GABRB3: variants seen among roughly 807,000 people sequenced by gnomAD.
The protein encoded by GABRB3 is gamma-aminobutyric acid type A receptor subunit beta3.
Under a neutral mutation model 52.1 loss-of-function variants are expected in GABRB3, and 14 were observed. The observed-to-expected ratio is 0.27, with a 90% CI of 0.18 to 0.42. GABRB3 has a LOEUF of 0.42. Ranked by LOEUF, GABRB3 falls within the 10% of genes least tolerant of loss-of-function variation. GABRB3 has a pLI of 1.00. For synonymous variants in GABRB3, 260 were observed against 232.3 expected (o/e 1.12, Z -1.08); for missense variants, 307 against 609.1 (o/e 0.50, Z 5.22).
chr15:26,603,470 CAAA>C lies in GABRB3; in HGVS notation c.461+17841_461+17843del, dbSNP rs1891660001. Among the ~76,000 whole-genome samples the C allele has an allele frequency of 2.6e-5, 4 of 151,832 alleles. No homozygotes were observed. The South Asian group carries it at 8.3e-4, about 32-fold the overall frequency. On this transcript the variant is annotated intron_variant, in intron 4 of 8. Coordinates refer to ENST00000311550, the MANE Select transcript of GABRB3 (RefSeq NM_000814.6). Reference sequence around the variant, plus strand: ...ATACAAAAACAAAAAATAAAACAAACAAAAAATAACTAAAGGCCAATATTTCTA... The same window carrying C: ...ATACAAAAACAAAAAATAAAACAAACAAATAACTAAAGGCCAATATTTCTA...
Position 26,546,305 on chromosome 15 carries a change from CTTTT to C in GABRB3, c.*1484_*1487del, listed in dbSNP as rs367963151. The stretch of plus-strand genomic sequence containing the variant: ...ATTGTTTACAAAAAATATATCATCT[CTTTT>C]TTTTTTCTTTAGAAAGATCTCATCT... On this transcript the variant is annotated 3_prime_UTR_variant, in exon 9 of 9. Coordinates refer to ENST00000311550, the MANE Select transcript of GABRB3 (RefSeq NM_000814.6). The C allele has an allele frequency of 6.9e-4, 104 of 150,228 alleles. No homozygotes were observed. The highest frequency in any genetic ancestry group is 2.5e-3 in the African/African-American group (103 of 40,822). The allele number at this position is 150,228 out of a possible 1,614,324, so 9.3% of individuals were successfully genotyped here.
chr15:26,608,101 G>GC (rs1163593711), intron 4 of GABRB3, among the ~76,000 whole-genome samples: 2 of 121,092 alleles, frequency 1.7e-5, no homozygotes, highest in Admixed American at 1.6e-4. Flanking sequence ...CATGGTACTG[G>GC]CAAAAAAAAA....
chr15:26,655,428 T>C (rs1887336982), intron 3 of GABRB3, among the ~76,000 whole-genome samples: 1 of 152,168 alleles, frequency 6.6e-6, no homozygotes. Context: ...GCACATTTTA[T>C]GGCTATGATC....
Position 26,580,291 on chromosome 15 carries a change from AG to A in GABRB3, c.682+27del, listed in dbSNP as rs775135929. On this transcript the variant is annotated intron_variant, in intron 6 of 8. Coordinates refer to ENST00000311550, the MANE Select transcript of GABRB3 (RefSeq NM_000814.6). ...ACGCCCATGGAGCCAGTGCCCCTGA[AG>A]GGACTATAAGTGGATGCAGGACTCA... 8.7e-6 allele frequency: 14 copies of A among 1,613,930 alleles called. No homozygotes were observed. The East Asian group carries it at 3.1e-4, about 36-fold the overall frequency.
At chr15:26,720,153 G>T (rs10162980) in intron 3 of GABRB3, among the ~76,000 whole-genome samples, 35,493 of 144,050 alleles carry the variant, frequency 0.25, 4,392 homozygotes, top group South Asian at 0.27. Context: ...ACTCCTGCCC[G>T]CCAGAGAACA....
Position 26,662,600 on chromosome 15 carries a change from A to G in GABRB3, c.241-41066T>C, listed in dbSNP as rs184100349. Among the ~76,000 whole-genome samples the G allele has an allele frequency of 1.1e-3, 173 of 152,090 alleles. 1 individual carries two copies. The highest frequency in any genetic ancestry group is 2.2e-3 in the Non-Finnish European group (153 of 68,024). On this transcript the variant is annotated intron_variant, in intron 3 of 8. Transcript: ENST00000311550. ...TGCCTCTGCACAGATGAACAGGGAG[A>G]GCTTTGGCCTTAGAAAAAAGGTGCC...
In GABRB3 at chr15:26,547,393, A is replaced by G. The variant is rs1447617676; in HGVS notation, c.*400T>C. 1 of 425,102 alleles carries G rather than the reference A, an allele frequency of 2.4e-6. No individual in the cohort carries two copies. 26.3% of individuals were successfully genotyped at this position (425,102 alleles called of 1,614,324 possible). A position where few individuals can be genotyped will look rare whatever the true frequency, so the allele number is the denominator to read the frequency against. On this transcript the variant is annotated 3_prime_UTR_variant, in exon 9 of 9. Coordinates refer to ENST00000311550, the MANE Select transcript of GABRB3 (RefSeq NM_000814.6). ...CATCTAACTTATGATAATACAAGAC[A>G]CATTTGGGGATGATATTGTGTTTCA...
intron 4 of GABRB3, among the ~76,000 whole-genome samples, chr15:26,584,622 C>T (rs1185965799): frequency 6.6e-6 from 1 of 152,156 alleles, no homozygotes; most frequent in African/African-American, 2.4e-5. Context: ...GCAGTTAAGG[C>T]TCCACCATGC....
intron 3 of GABRB3, among the ~76,000 whole-genome samples, chr15:26,707,887 A>G (rs1324580285): frequency 6.6e-6 from 1 of 152,230 alleles, no homozygotes; most frequent in African/African-American, 2.4e-5. Flanking sequence ...ATCTCTTATC[A>G]GAAATACTTG....
At chr15:26,726,493 C>A (rs1889774295) in intron 3 of GABRB3, among the ~76,000 whole-genome samples, 1 of 152,210 alleles carries the variant, frequency 6.6e-6, no homozygotes, top group Non-Finnish European at 1.5e-5. Flanking sequence ...ATTTAGCAGT[C>A]TTCTAGAAGT....
intron 3 of GABRB3, among the ~76,000 whole-genome samples, chr15:26,643,674 C>T (rs139397466): frequency 6.6e-5 from 10 of 152,068 alleles, no homozygotes; most frequent in Non-Finnish European, 7.4e-5. Flanking sequence ...TTCTGACACA[C>T]GGGAAGTCCC....
At chr15:26,764,558 T>A (rs1671511971) in intron 3 of GABRB3, among the ~76,000 whole-genome samples, 1 of 152,126 alleles carries the variant, frequency 6.6e-6, no homozygotes, top group Non-Finnish European at 1.5e-5. Flanking sequence ...TGTGGTCTCC[T>A]GACTACAAAG....
intron 6 of GABRB3, among the ~76,000 whole-genome samples, chr15:26,568,931 C>T (rs1363309350): frequency 1.3e-5 from 2 of 152,056 alleles, no homozygotes; most frequent in Admixed American, 6.6e-5. Context: ...GATGGAGCTG[C>T]CTGAGGGCCA....
chr15:26,591,001 C>T (rs1595465178), intron 4 of GABRB3, among the ~76,000 whole-genome samples: 1 of 152,250 alleles, frequency 6.6e-6, no homozygotes, highest in East Asian at 1.9e-4. Context: ...AAAGCCATGC[C>T]CAGAAGAGTC....
At chr15:26,743,762 C>A (rs1314443715) in intron 3 of GABRB3, among the ~76,000 whole-genome samples, 3 of 152,164 alleles carry the variant, frequency 2.0e-5, no homozygotes, top group Non-Finnish European at 4.4e-5. Context: ...TTTATGAACA[C>A]TTACCTTGCA....
chr15:26,609,109 C>T (rs59922882), intron 4 of GABRB3, among the ~76,000 whole-genome samples: 17,484 of 60,470 alleles, frequency 0.29, 1,888 homozygotes, highest in East Asian at 0.72. Flanking sequence ...CACATACACA[C>T]ACACACACAC....
chr15:26,730,792 G>A (rs1166159532), intron 3 of GABRB3, among the ~76,000 whole-genome samples: 7 of 152,080 alleles, frequency 4.6e-5, no homozygotes, highest in African/African-American at 7.2e-5. Flanking sequence ...ATGCCATATC[G>A]CACGAATTGC....
intron 3 of GABRB3, among the ~76,000 whole-genome samples, chr15:26,664,613 G>A (rs1844416796): frequency 6.7e-6 from 1 of 149,988 alleles, no homozygotes; most frequent in South Asian, 2.1e-4. Context: ...TACATGTGAT[G>A]TTCTGATATA....
At chr15:26,684,355 C>A (rs774140526) in intron 3 of GABRB3, among the ~76,000 whole-genome samples, 2 of 152,042 alleles carry the variant, frequency 1.3e-5, no homozygotes, top group Non-Finnish European at 2.9e-5. Context: ...CAGCTGAAGG[C>A]GGTCAATCTA....
Sources: allele counts gnomAD v4.1 joint callset (sites outside exome capture counted in the v4.1 genomes callset), GRCh38; gene constraint gnomAD v4.1.1; transcripts MANE v1.5; gene names NCBI Gene and HGNC (gene_info 2026-07-23, HGNC 2026-07-21).